The following CORO2B variants were observed in gnomAD, a reference collection of about 807,000 sequenced individuals.
The protein encoded by CORO2B is coronin-2B.
CORO2B carries 26 observed loss-of-function variants against 58.8 expected under a neutral mutation model. The ratio of observed to expected loss-of-function variants is 0.44; its 90% CI spans 0.32 to 0.61. CORO2B has a LOEUF of 0.61. Among genes scored for constraint, CORO2B ranks in the 20% least tolerant of loss-of-function variants. The pLI, the probability that CORO2B is intolerant of heterozygous loss-of-function variation, is 0.04. For synonymous variants in CORO2B, 242 were observed against 253.8 expected (o/e 0.95, Z 0.44); for missense variants, 460 against 645.1 (o/e 0.71, Z 3.11).
At chr15:68,561,236 G>C in the CORO2B span, among the ~76,000 whole-genome samples, 6 of 152,206 alleles carry the variant, frequency 3.9e-5, no homozygotes, top group African/African-American at 1.4e-4. Flanking sequence ...GGCTGGGACA[G>C]TGGAAGAGCT....
intron 9 of CORO2B, 31 bp from the exon 10 acceptor site, chr15:68,719,113 T>C (rs1893100872): frequency 6.4e-7 from 1 of 1,550,726 alleles, no homozygotes; most frequent in Admixed American, 1.7e-5. Context: ...CAGCCCCCCA[T>C]GTGTCCTCTC....
the CORO2B span, among the ~76,000 whole-genome samples, chr15:68,570,698 G>A: frequency 6.6e-6 from 1 of 151,056 alleles, no homozygotes; most frequent in Non-Finnish European, 1.5e-5. Context: ...AATAGTCAGT[G>A]TATTTCCCTT....
At chr15:68,605,586 A>G (rs1175438733) in intron 1 of CORO2B, among the ~76,000 whole-genome samples, 1 of 152,140 alleles carries the variant, frequency 6.6e-6, no homozygotes, top group African/African-American at 2.4e-5. Flanking sequence ...ATAAAGTTTT[A>G]TGCATATCAT....
At chr15:68,701,266 T>C (rs1892636106) in intron 3 of CORO2B, among the ~76,000 whole-genome samples, 1 of 152,132 alleles carries the variant, frequency 6.6e-6, no homozygotes, top group African/African-American at 2.4e-5. Flanking sequence ...ATCCTGGCTC[T>C]GCCACTTCCA....
chr15:68,521,097 A>G, the CORO2B span, among the ~76,000 whole-genome samples: 5 of 152,168 alleles, frequency 3.3e-5, no homozygotes, highest in African/African-American at 1.2e-4. Context: ...ATTCATTTAC[A>G]TTTAATTGGA....
chr15:68,625,523 T>A (rs574535876), intron 1 of CORO2B, among the ~76,000 whole-genome samples: 1 of 152,264 alleles, frequency 6.6e-6, no homozygotes, highest in South Asian at 2.1e-4. Flanking sequence ...TTCCAGAATA[T>A]TATATCAATG....
chr15:68,533,666 G>A, the CORO2B span, among the ~76,000 whole-genome samples: 4 of 152,186 alleles, frequency 2.6e-5, no homozygotes, highest in African/African-American at 4.8e-5. Flanking sequence ...TCAGGAAATT[G>A]AGTAGCCATT....
intron 2 of CORO2B, among the ~76,000 whole-genome samples, chr15:68,648,420 G>T (rs1901525955): frequency 6.6e-6 from 1 of 152,104 alleles, no homozygotes; most frequent in Admixed American, 6.5e-5. Flanking sequence ...GCAGAGGCGG[G>T]TGGATCACAA....
intron 3 of CORO2B, among the ~76,000 whole-genome samples, chr15:68,708,196 G>A (rs1297857473): frequency 6.6e-6 from 1 of 152,140 alleles, no homozygotes; most frequent in Admixed American, 6.5e-5. Context: ...CACAGGAGCT[G>A]GCTCTGTGGG....
At chr15:68,529,174 C>T in the CORO2B span, among the ~76,000 whole-genome samples, 4 of 152,096 alleles carry the variant, frequency 2.6e-5, no homozygotes, top group South Asian at 8.3e-4. Context: ...TTCCCTGACT[C>T]TCTGTGGGTA....
At chr15:68,520,323 A>AT in the CORO2B span, among the ~76,000 whole-genome samples, 1 of 152,154 alleles carries the variant, frequency 6.6e-6, no homozygotes, top group Non-Finnish European at 1.5e-5. Flanking sequence ...ATCCTTACAG[A>AT]TTTTTTTGTT....
At chr15:68,522,691 T>G in the CORO2B span, among the ~76,000 whole-genome samples, 2 of 152,218 alleles carry the variant, frequency 1.3e-5, no homozygotes, top group Non-Finnish European at 2.9e-5. Flanking sequence ...TCCTTTTCAG[T>G]TTTGGAATTT....
intron 1 of CORO2B, among the ~76,000 whole-genome samples, chr15:68,639,203 G>A (rs1566992067): frequency 6.6e-6 from 1 of 152,102 alleles, no homozygotes; most frequent in African/African-American, 2.4e-5. Context: ...CTTGGCTCTT[G>A]CCCCCCTACC....
intron 1 of CORO2B, among the ~76,000 whole-genome samples, chr15:68,579,797 C>G (rs771914673): frequency 1.3e-5 from 2 of 152,214 alleles, no homozygotes; most frequent in Non-Finnish European, 2.9e-5. Flanking sequence ...CTGCCCAGTC[C>G]CGGGAGCCGC....
At chr15:68,660,908 T>C (rs1476912356) in intron 2 of CORO2B, among the ~76,000 whole-genome samples, 1 of 152,216 alleles carries the variant, frequency 6.6e-6, no homozygotes, top group African/African-American at 2.4e-5. Flanking sequence ...TTGTTCTCTC[T>C]ATAGAGGTTC....
rs1306764108 is a variant in CORO2B at position 68,710,920 on chromosome 15, G to A, written c.483+39G>A. On this transcript the variant is annotated intron_variant, in intron 4 of 11. Transcript: ENST00000261861. The surrounding 1 kb of genome is among the most constrained non-coding windows in gnomAD (Gnocchi z 4.1). ...AGGCAGCTGGGTGGAGAGGGATTGG[G>A]GAAGAGAAAGGGGCCTTTTGGGTAC... 7.1e-6 allele frequency: 11 copies of A among 1,550,644 alleles called. No individual in the cohort carries two copies. Among genetic ancestry groups the A allele is most frequent in the Middle Eastern group, 1.7e-4 (1 of 5,872 alleles).
chr15:68,556,597 G>A, the CORO2B span, among the ~76,000 whole-genome samples: 1 of 152,272 alleles, frequency 6.6e-6, no homozygotes, highest in Non-Finnish European at 1.5e-5. Flanking sequence ...GGCTTGGTGT[G>A]TGGAGTGGCT....
chr15:68,645,096 C>A lies in CORO2B; in HGVS notation c.16-64C>A, dbSNP rs1595986360. 2 of 1,542,304 alleles carry A rather than the reference C, an allele frequency of 1.3e-6. No individual in the cohort carries two copies. The highest frequency in any genetic ancestry group is 4.7e-5 in the East Asian group (2 of 42,604). ...AGCCGCAGCTTCCCTCCCCCAAGAG[C>A]CCAGCCGAGGCCCTTCATGGCACAG... On this transcript the variant is annotated intron_variant, in intron 1 of 11. Coordinates refer to ENST00000261861, the MANE Select transcript of CORO2B (RefSeq NM_006091.5). The surrounding 1 kb of genome is among the most constrained non-coding windows in gnomAD (Gnocchi z 4.5).
chr15:68,569,060 C>T, the CORO2B span, among the ~76,000 whole-genome samples: 1 of 152,164 alleles, frequency 6.6e-6, no homozygotes, highest in South Asian at 2.1e-4. Context: ...TGCTTCCACA[C>T]ACACACAATC....
Sources: allele counts gnomAD v4.1 joint callset (sites outside exome capture counted in the v4.1 genomes callset), GRCh38; gene constraint gnomAD v4.1.1; non-coding constraint Gnocchi (gnomAD v3.1); transcripts MANE v1.5; gene names NCBI Gene and HGNC (gene_info 2026-07-23, HGNC 2026-07-21).